The following AKIP1 variants were observed in gnomAD, a reference collection of about 807,000 sequenced individuals.
The protein encoded by AKIP1 is A-kinase-interacting protein 1.
AKIP1 carries 18 observed loss-of-function variants against 22.3 expected under a neutral mutation model. The ratio of observed to expected loss-of-function variants is 0.81; its 90% CI spans 0.56 to 1.19. The LOEUF (loss-of-function observed/expected upper bound fraction) is 1.19, where lower values mean the gene tolerates loss of function less well. AKIP1 is among the 50% of genes most tolerant of loss of function. The probability of loss-of-function intolerance (pLI) is 0.00; values close to 1 mark genes in which losing one functional copy is unlikely to be tolerated. For missense variants in AKIP1, 287 were observed against 264.6 expected (o/e 1.08, Z -0.59); for synonymous variants, 120 against 102.7 (o/e 1.17, Z -1.02).
Position 8,911,192 on chromosome 11 carries a change from G to A in AKIP1, c.-38G>A, listed in dbSNP as rs2064328500. On this transcript the variant is annotated 5_prime_UTR_variant, in exon 1 of 6. Transcript: ENST00000309377. ...GCCTGGTCCCTCTTCCTAGAATAGCGTTGCGCGCATGCGCCTTGACGAGTG... is the reference window on the plus strand; with the variant it reads ...GCCTGGTCCCTCTTCCTAGAATAGCATTGCGCGCATGCGCCTTGACGAGTG... 2.0e-6 allele frequency: 1 copy of A among 506,424 alleles called. No individual in the cohort carries two copies. 31.4% of individuals were successfully genotyped at this position (506,424 alleles called of 1,614,324 possible). A position where few individuals can be genotyped will look rare whatever the true frequency, so the allele number is the denominator to read the frequency against.
At position 8,919,475 on chromosome 11, in the gene AKIP1, G is replaced by A. The variant is rs368774867; in HGVS notation, c.628G>A (p.Val210Met). 2 of 1,612,836 alleles carry A rather than the reference G, an allele frequency of 1.2e-6. No homozygotes were observed. Among genetic ancestry groups the A allele is most frequent in the Admixed American group, 1.7e-5 (1 of 59,606 alleles). ...SGQSVDLVFP[V>M] ...ACAAAGCGTGGACCTGGTCTTCCCT[G>A]TGTGATGTTGACCATCACTGCCATC... Residue 210 changes from valine (V) to methionine (M), a missense_variant, in exon 6 of 6, where the codon GTG (valine) becomes ATG (methionine). Transcript: ENST00000309377.
At chr11:8,915,358 C>T (rs7483058) in intron 4 of AKIP1, among the ~76,000 whole-genome samples, 27,916 of 82,946 alleles carry the variant, frequency 0.34, 6,021 homozygotes, top group Non-Finnish European at 0.43. Context: ...TTTTTTTTTT[C>T]TTTTTTTTTT....
At position 8,919,420 on chromosome 11, in the gene AKIP1, G is replaced by A; in HGVS notation, c.573G>A (p.Lys191=). 1 of 1,614,194 alleles carries A rather than the reference G, an allele frequency of 6.2e-7. No individual in the cohort carries two copies. Residue 191 remains lysine (K), a synonymous_variant, in exon 6 of 6, where the codon AAG becomes AAA. Coordinates refer to ENST00000309377, the MANE Select transcript of AKIP1 (RefSeq NM_020642.4). ...CTGTGGGCTCAAATGACTTAACCAA[G>A]AAGACTCATGTGGTAGCAGTTGATT... ...SVTVGSNDLT[K]KTHVVAVDSG...
chr11:8,915,734 G>A (rs2064473961), intron 4 of AKIP1, among the ~76,000 whole-genome samples: 1 of 148,734 alleles, frequency 6.7e-6, no homozygotes, highest in African/African-American at 2.5e-5. Flanking sequence ...TGCCTCCCAG[G>A]TTCAGACAAT....
rs921349094 is a variant in AKIP1 at position 8,919,635 on chromosome 11, T to C, written c.*155T>C. 6 of 833,146 alleles carry C rather than the reference T, an allele frequency of 7.2e-6. No homozygotes were observed. In the South Asian group the frequency reaches 7.3e-5, roughly 10 times the overall value. 51.6% of individuals were successfully genotyped at this position (833,146 alleles called of 1,614,324 possible). ...GTCTGTCTCTTTCAGTGCTTTTTTG[T>C]TTGTTTGGTTGGTTTTTTTTTGAGA... On this transcript the variant is annotated 3_prime_UTR_variant, in exon 6 of 6. Coordinates refer to ENST00000309377, the MANE Select transcript of AKIP1 (RefSeq NM_020642.4).
rs370255414 is a variant in AKIP1 at position 8,919,486 on chromosome 11, A to G, written c.*6A>G. 109 of 1,612,180 alleles carry G rather than the reference A, an allele frequency of 6.8e-5. No individual in the cohort carries two copies. The highest frequency in any genetic ancestry group is 9.0e-5 in the Non-Finnish European group (106 of 1,179,534). On this transcript the variant is annotated 3_prime_UTR_variant, in exon 6 of 6. Transcript: ENST00000309377. ...ACCTGGTCTTCCCTGTGTGATGTTG[A>G]CCATCACTGCCATCACATCACCTTT...
In AKIP1 at chr11:8,919,639, T is replaced by G. The variant is rs536700916; in HGVS notation, c.*159T>G. On this transcript the variant is annotated 3_prime_UTR_variant, in exon 6 of 6. Coordinates refer to ENST00000309377, the MANE Select transcript of AKIP1 (RefSeq NM_020642.4). ...GTCTCTTTCAGTGCTTTTTTGTTTG[T>G]TTGGTTGGTTTTTTTTTGAGACAGT... 56 of 804,538 alleles carry G rather than the reference T, an allele frequency of 7.0e-5. No homozygotes were observed. Among genetic ancestry groups the G allele is most frequent in the East Asian group, 3.5e-4 (13 of 37,190 alleles). 49.8% of individuals were successfully genotyped at this position (804,538 alleles called of 1,614,324 possible).
chr11:8,914,999 C>A, intron 4 of AKIP1, 69 bp downstream of exon 4: 1 of 1,242,204 alleles, frequency 8.1e-7, no homozygotes, highest in Non-Finnish European at 1.2e-6. Flanking sequence ...TATTCAAGAG[C>A]CCCTGCTAGA....
chr11:8,915,002 C>T (rs925433275), intron 4 of AKIP1, 72 bp downstream of exon 4: 5 of 1,209,826 alleles, frequency 4.1e-6, no homozygotes, highest in Middle Eastern at 4.9e-4. Context: ...TCAAGAGCCC[C>T]TGCTAGACTT....
At chr11:8,913,490 G>C (rs1238680046) in intron 3 of AKIP1, among the ~76,000 whole-genome samples, 2 of 152,130 alleles carry the variant, frequency 1.3e-5, no homozygotes, top group African/African-American at 4.8e-5. Flanking sequence ...ACCCAGCCAA[G>C]TCATCTTTCG....
chr11:8,919,430 G>A lies in AKIP1; in HGVS notation c.583G>A (p.Val195Met), dbSNP rs1205860154. 1.9e-6 allele frequency: 3 copies of A among 1,614,098 alleles called. No individual in the cohort carries two copies. The highest frequency in any genetic ancestry group is 2.5e-6 in the Non-Finnish European group (3 of 1,180,038). ...AAATGACTTAACCAAGAAGACTCATGTGGTAGCAGTTGATTCTGGACAAAG... is the reference window on the plus strand; with the variant it reads ...AAATGACTTAACCAAGAAGACTCATATGGTAGCAGTTGATTCTGGACAAAG... Reference protein sequence around the residue: ...GSNDLTKKTHVVAVDSGQSVD... With the variant: ...GSNDLTKKTHMVAVDSGQSVD... The change falls in exon 6 of 6, where the codon GTG (valine) becomes ATG (methionine). Residue 195 changes from valine (V) to methionine (M), a missense_variant. Coordinates refer to ENST00000309377, the MANE Select transcript of AKIP1 (RefSeq NM_020642.4).
In AKIP1 at chr11:8,919,576, T is replaced by C; in HGVS notation, c.*96T>C. ...AATAGCTATACATTAATCCTGTTTT[T>C]AGTGCTGACTGGGTCAGCCTTCCGG... On this transcript the variant is annotated 3_prime_UTR_variant, in exon 6 of 6. Transcript: ENST00000309377. 7.3e-7 allele frequency: 1 copy of C among 1,362,088 alleles called. No homozygotes were observed. The highest frequency in any genetic ancestry group is 1.0e-6 in the Non-Finnish European group (1 of 990,826). 84.4% of individuals were successfully genotyped at this position (1,362,088 alleles called of 1,614,324 possible).
At position 8,914,945 on chromosome 11, in the gene AKIP1, C is replaced by T. The variant is rs2064456803; in HGVS notation, c.408+15C>T. On this transcript the variant is annotated intron_variant, in intron 4 of 5. Coordinates refer to ENST00000309377, the MANE Select transcript of AKIP1 (RefSeq NM_020642.4). ...GGAATGGTCAGGTAAGTGTACTCAA[C>T]TGTCCTGCACCATGCCTTCAGTCTA... 1 of 1,588,998 alleles carries T rather than the reference C, an allele frequency of 6.3e-7. No homozygotes were observed. The highest frequency in any genetic ancestry group is 1.1e-5 in the South Asian group (1 of 89,830).
At chr11:8,916,304 C>T (rs180794774) in intron 4 of AKIP1, among the ~76,000 whole-genome samples, 2 of 152,110 alleles carry the variant, frequency 1.3e-5, no homozygotes, top group East Asian at 1.9e-4. Context: ...AGTGTGGGGA[C>T]GGGGGTCTCT....
chr11:8,917,924 T>C (rs1294247567), intron 5 of AKIP1: 2 of 155,558 alleles, frequency 1.3e-5, no homozygotes, highest in African/African-American at 4.8e-5. Flanking sequence ...GCTAGAATTC[T>C]GAGGAAAGGA....
intron 5 of AKIP1, among the ~76,000 whole-genome samples, chr11:8,919,118 G>A (rs1044937648): frequency 3.3e-5 from 5 of 152,088 alleles, no homozygotes; most frequent in African/African-American, 1.2e-4. Flanking sequence ...ATGCTTATTT[G>A]TGAGGTATTA....
chr11:8,916,680 G>A (rs1454957968), intron 4 of AKIP1, among the ~76,000 whole-genome samples: 2 of 152,318 alleles, frequency 1.3e-5, no homozygotes, highest in South Asian at 2.1e-4. Context: ...CCTCCCACAT[G>A]CCTCCCCTGG....
At chr11:8,916,449 G>A (rs1380967425) in intron 4 of AKIP1, among the ~76,000 whole-genome samples, 4 of 152,216 alleles carry the variant, frequency 2.6e-5, no homozygotes, top group African/African-American at 9.6e-5. Flanking sequence ...GGTGGTGGTG[G>A]TGGTTTCTGA....
intron 5 of AKIP1, chr11:8,917,750 G>A (rs1010592090): frequency 3.8e-5 from 14 of 364,816 alleles, no homozygotes; most frequent in Middle Eastern, 7.1e-4. Context: ...CTGAAATTCC[G>A]AAACATACAC....
Sources: gnomAD v4.1 joint callset for allele counts (sites outside exome capture counted in the v4.1 genomes callset) on GRCh38, gnomAD v4.1.1 for gene constraint, MANE v1.5 for transcripts, NCBI Gene and HGNC (gene_info 2026-07-23, HGNC 2026-07-21) for gene names.